Variants in KRABD2 observed in about 807,000 individuals in gnomAD.
KRABD2 encodes the protein KRAB domain containing 2, also known as KRAB domain-containing protein 2.
At chr17:8,372,105 A>G in the KRABD2 span, 19 of 985,030 alleles carry the variant, frequency 1.9e-5, no homozygotes, top group Non-Finnish European at 2.3e-5. This position sits in a 1 kb window ranked among gnomAD's most constrained non-coding sequence, Gnocchi z 4.1. Context: ...AAAGATGGAA[A>G]CTTTTAAAGG....
the KRABD2 span, among the ~76,000 whole-genome samples, chr17:8,363,863 T>TATATATATATATATATATATA: frequency 1.8e-5 from 1 of 55,744 alleles, no homozygotes; most frequent in Non-Finnish European, 3.4e-5. Context: ...ATATATATAT[T>TATATATATATATATATATATA]TATTTATTTA....
chr17:8,374,241 A>G, the KRABD2 span, among the ~76,000 whole-genome samples: 1 of 152,236 alleles, frequency 6.6e-6, no homozygotes, highest in Non-Finnish European at 1.5e-5. Flanking sequence ...TCTGTGTAGA[A>G]AGAAGTAGAC....
chr17:8,368,080 C>T, the KRABD2 span, among the ~76,000 whole-genome samples: 1 of 150,932 alleles, frequency 6.6e-6, no homozygotes, highest in Admixed American at 6.6e-5. Context: ...TAAGGAGACC[C>T]TATCTCTAAA....
the KRABD2 span, among the ~76,000 whole-genome samples, chr17:8,366,841 G>A: frequency 6.6e-6 from 1 of 152,050 alleles, no homozygotes; most frequent in Non-Finnish European, 1.5e-5. Flanking sequence ...CCTACCTCAG[G>A]CTCCTGAGTA....
chr17:8,367,951 T>TAAAAA, the KRABD2 span, among the ~76,000 whole-genome samples: 1 of 115,160 alleles, frequency 8.7e-6, no homozygotes. Context: ...AAAAAAAAGT[T>TAAAAA]AAGAGCAAAA....
chr17:8,373,196 C>G, the KRABD2 span, among the ~76,000 whole-genome samples: 1 of 149,612 alleles, frequency 6.7e-6, no homozygotes, highest in African/African-American at 2.5e-5. Context: ...CCCTCTCCCT[C>G]TCTCTCCACG....
At chr17:8,363,838 T>C in the KRABD2 span, among the ~76,000 whole-genome samples, 137 of 73,196 alleles carry the variant, frequency 1.9e-3, 6 homozygotes, top group African/African-American at 6.5e-3. Flanking sequence ...TACATATATA[T>C]ATATATATAT....
the KRABD2 span, chr17:8,359,589 G>A: frequency 4.6e-5 from 21 of 455,962 alleles, no homozygotes; most frequent in South Asian, 3.3e-4. Flanking sequence ...GCTAGAGAAG[G>A]GGGTAGGTAA....
At chr17:8,369,789 T>G in the KRABD2 span, 1 of 1,614,240 alleles carries the variant, frequency 6.2e-7, no homozygotes. Flanking sequence ...GAACTCACCA[T>G]CGGCACTGGA....
the KRABD2 span, chr17:8,373,728 A>G: frequency 6.3e-6 from 1 of 159,832 alleles, no homozygotes; most frequent in Non-Finnish European, 1.3e-5. Context: ...GGAAGTGAGG[A>G]GGGTCTCTGC....
At chr17:8,362,992 A>T in the KRABD2 span, among the ~76,000 whole-genome samples, 1 of 152,214 alleles carries the variant, frequency 6.6e-6, no homozygotes, top group Non-Finnish European at 1.5e-5. The surrounding 1 kb of genome is among the most constrained non-coding windows in gnomAD (Gnocchi z 4.2). Context: ...CCATCTCTTG[A>T]TAGGAAAGTG....
the KRABD2 span, among the ~76,000 whole-genome samples, chr17:8,362,973 A>AT: frequency 6.6e-6 from 1 of 152,244 alleles, no homozygotes; most frequent in Non-Finnish European, 1.5e-5. This position sits in a 1 kb window ranked among gnomAD's most constrained non-coding sequence, Gnocchi z 4.2. Context: ...AGGAGGGGTG[A>AT]TAAAAACTCC....
At chr17:8,363,842 T>TAC in the KRABD2 span, among the ~76,000 whole-genome samples, 3 of 80,908 alleles carry the variant, frequency 3.7e-5, no homozygotes, top group African/African-American at 9.5e-5. Flanking sequence ...TATATATATA[T>TAC]ATATATATAT....
the KRABD2 span, chr17:8,376,350 G>A: frequency 1.7e-6 from 2 of 1,205,984 alleles, no homozygotes; most frequent in Middle Eastern, 3.2e-4. Context: ...CTACAACCCG[G>A]GGAGATGACC....
At chr17:8,369,159 C>G in the KRABD2 span, 1 of 1,613,662 alleles carries the variant, frequency 6.2e-7, no homozygotes, top group Non-Finnish European at 8.5e-7. Context: ...ACCGGAAGTC[C>G]CTTGTGAGGT....
chr17:8,361,085 A>G, the KRABD2 span, among the ~76,000 whole-genome samples: 2 of 152,202 alleles, frequency 1.3e-5, no homozygotes, highest in Non-Finnish European at 2.9e-5. Flanking sequence ...TTCTACCCCT[A>G]GAGCTGCAGA....
chr17:8,367,617 T>C, the KRABD2 span, among the ~76,000 whole-genome samples: 8 of 149,070 alleles, frequency 5.4e-5, no homozygotes, highest in Admixed American at 2.0e-4. Flanking sequence ...GAGCCCAGAT[T>C]GTGCCACTGC....
chr17:8,371,074 C>T, the KRABD2 span, among the ~76,000 whole-genome samples: 2 of 152,042 alleles, frequency 1.3e-5, no homozygotes, highest in African/African-American at 4.8e-5. Context: ...GAGACTGAGG[C>T]AGGGAGAACT....
At chr17:8,360,959 C>T in the KRABD2 span, among the ~76,000 whole-genome samples, 1 of 152,238 alleles carries the variant, frequency 6.6e-6, no homozygotes, top group South Asian at 2.1e-4. Flanking sequence ...TAAGTCTGAG[C>T]TTCTCGGTTG....
Sources: gnomAD v4.1 joint callset for allele counts (sites outside exome capture counted in the v4.1 genomes callset) on GRCh38, gnomAD v4.1.1 for gene constraint, Gnocchi (gnomAD v3.1) non-coding constraint, MANE v1.5 for transcripts, NCBI Gene and HGNC (gene_info 2026-07-23, HGNC 2026-07-21) for gene names.